Variants in LRBA observed in about 807,000 individuals in gnomAD.
LRBA encodes the protein LPS responsive beige-like anchor protein.
Under a neutral mutation model 330.0 loss-of-function variants are expected in LRBA, and 176 were observed. The observed-to-expected ratio is 0.53, with a 90% CI of 0.47 to 0.60. LRBA has a LOEUF of 0.60. Ranked by LOEUF, LRBA falls within the 20% of genes least tolerant of loss-of-function variation. The pLI, the probability that LRBA is intolerant of heterozygous loss-of-function variation, is 0.00. For synonymous variants in LRBA, 1,230 were observed against 1,193.0 expected, an observed-to-expected ratio of 1.03 and a Z score of -0.64; for missense variants, 3,259 against 3,444.8, an observed-to-expected ratio of 0.95 and a Z score of 1.35.
intron 47 of LRBA, among the ~76,000 whole-genome samples, chr4:150,408,764 A>G (rs960358773): frequency 6.6e-6 from 1 of 152,164 alleles, no homozygotes; most frequent in East Asian, 1.9e-4. Flanking sequence ...ATCAATTTAT[A>G]TAATATATCA....
At chr4:150,759,983 G>A (rs932160640) in intron 35 of LRBA, among the ~76,000 whole-genome samples, 5 of 151,942 alleles carry the variant, frequency 3.3e-5, no homozygotes, top group East Asian at 1.9e-4. Context: ...TAAAGTCTAC[G>A]ATGTTCAAAA....
At chr4:150,446,522 G>A (rs1321538816) in intron 44 of LRBA, among the ~76,000 whole-genome samples, 1 of 152,224 alleles carries the variant, frequency 6.6e-6, no homozygotes, top group Non-Finnish European at 1.5e-5. Context: ...CTGACAGGCA[G>A]TTACATTGCA....
intron 47 of LRBA, among the ~76,000 whole-genome samples, chr4:150,392,667 C>A (rs1185890573): frequency 1.3e-5 from 2 of 152,032 alleles, no homozygotes; most frequent in East Asian, 3.9e-4. Context: ...GATTTTTGCA[C>A]ATCAATTTTA....
rs192169381 is a variant in LRBA, at chr4:150,350,860, C to T, written c.7195-701G>A. Reference sequence around the variant, plus strand: ...AAATGTGAAAATGTTAAAAATTTACCATCCACTTGAAATATTTATTATTTT... The same window carrying T: ...AAATGTGAAAATGTTAAAAATTTACTATCCACTTGAAATATTTATTATTTT... On this transcript the variant is annotated intron_variant, in intron 47 of 56. Coordinates refer to ENST00000651943, the MANE Select transcript of LRBA (RefSeq NM_001364905.1). Among the ~76,000 whole-genome samples the T allele has an allele frequency of 5.3e-5, 8 of 152,192 alleles. No individual in the cohort carries two copies. In the East Asian group the frequency reaches 1.5e-3, roughly 29 times the overall value.
Position 150,852,666 on chromosome 4 carries a change from G to C in LRBA, c.3044C>G (p.Ser1015Cys), listed in dbSNP as rs1207359058. Reference sequence around the variant, plus strand: ...TTGCTCAGCTTTCATTTCTTCATAAGATGTATTAGTAGTTTGCAGTTCAAT... The same window carrying C: ...TTGCTCAGCTTTCATTTCTTCATAACATGTATTAGTAGTTTGCAGTTCAAT... ...SNIELQTTNT[S>C]YEEMKAEQEN... Residue 1015 changes from serine (S) to cysteine (C), a missense_variant, in exon 23 of 57, where the codon TCT becomes TGT. By Grantham distance (112) the Ser-to-Cys change is moderately radical. Transcript: ENST00000651943. 6 of 1,613,928 alleles carry C rather than the reference G, an allele frequency of 3.7e-6. No individual in the cohort carries two copies. The South Asian group carries it at 5.5e-5, about 15-fold the overall frequency.
intron 35 of LRBA, among the ~76,000 whole-genome samples, chr4:150,746,507 CTT>C (rs923454215): frequency 9.5e-5 from 13 of 136,482 alleles, no homozygotes; most frequent in Admixed American, 2.2e-4. Context: ...GTTTCTCTTA[CTT>C]TTTTTTTTTT....
At chr4:150,272,012 A>G (rs1408831741) in intron 56 of LRBA, among the ~76,000 whole-genome samples, 1 of 152,172 alleles carries the variant, frequency 6.6e-6, no homozygotes, top group Admixed American at 6.5e-5. Flanking sequence ...GAGCTCTGCT[A>G]ATGGTCAAAC....
intron 48 of LRBA, among the ~76,000 whole-genome samples, chr4:150,337,629 G>A (rs1391908699): frequency 6.6e-6 from 1 of 152,140 alleles, no homozygotes; most frequent in African/African-American, 2.4e-5. Flanking sequence ...TGTCAAATAT[G>A]CCATCTGTGT....
At chr4:150,400,736 C>T (rs1224245326) in intron 47 of LRBA, among the ~76,000 whole-genome samples, 1 of 152,062 alleles carries the variant, frequency 6.6e-6, no homozygotes, top group African/African-American at 2.4e-5. Context: ...GCCTATAGTT[C>T]TAGCTACTCG....
chr4:150,598,430 T>G (rs948753020), intron 38 of LRBA, among the ~76,000 whole-genome samples: 1 of 152,214 alleles, frequency 6.6e-6, no homozygotes, highest in Non-Finnish European at 1.5e-5. Context: ...AAATGTTTTG[T>G]TAAGCTCTGA....
chr4:150,487,944 C>T, intron 41 of LRBA, 110 bp from the exon 42 acceptor site: 1 of 496,050 alleles, frequency 2.0e-6, no homozygotes, highest in Non-Finnish European at 3.7e-6. Flanking sequence ...CTATTAAATA[C>T]AATTCTTACT....
intron 47 of LRBA, among the ~76,000 whole-genome samples, chr4:150,387,633 A>G (rs1743282975): frequency 6.6e-6 from 1 of 152,192 alleles, no homozygotes; most frequent in African/African-American, 2.4e-5. Context: ...AGAAATGCCA[A>G]TTAAGTTGTG....
At position 150,310,210 on chromosome 4, in the gene LRBA, T is replaced by A. The variant is rs753758571; in HGVS notation, c.7849+19A>T. ...CTTATAGTAAACTTTAGTTCACTGA[T>A]AAAGAAAATGAAAATTACCTGTGTC... On this transcript the variant is annotated intron_variant, in intron 52 of 56. Transcript: ENST00000651943. The A allele has an allele frequency of 1.3e-6, 2 of 1,575,458 alleles. No homozygotes were observed. The highest frequency in any genetic ancestry group is 1.7e-6 in the Non-Finnish European group (2 of 1,146,466).
At chr4:150,704,433 G>A (rs1011933692) in intron 36 of LRBA, among the ~76,000 whole-genome samples, 2 of 151,220 alleles carry the variant, frequency 1.3e-5, no homozygotes, top group African/African-American at 4.9e-5. Context: ...GTATTCTCCA[G>A]CTCAAAAATT....
intron 30 of LRBA, among the ~76,000 whole-genome samples, chr4:150,825,616 G>A (rs1461704712): frequency 6.6e-6 from 1 of 152,026 alleles, no homozygotes; most frequent in Admixed American, 6.6e-5. Flanking sequence ...TGATCCACCC[G>A]CCTCAGCCTC....
At chr4:150,835,925 T>C (rs1388638243) in intron 28 of LRBA, among the ~76,000 whole-genome samples, 1 of 152,212 alleles carries the variant, frequency 6.6e-6, no homozygotes, top group East Asian at 1.9e-4. Flanking sequence ...CAGTATGATA[T>C]TGGCTGTGAG....
chr4:150,974,881 A>T (rs1420595066), intron 2 of LRBA, among the ~76,000 whole-genome samples: 1 of 152,346 alleles, frequency 6.6e-6, no homozygotes, highest in South Asian at 2.1e-4. Flanking sequence ...ACCCAAAAAA[A>T]AAGCAAGGCA....
intron 36 of LRBA, among the ~76,000 whole-genome samples, chr4:150,720,230 A>G (rs1560726284): frequency 6.6e-6 from 1 of 152,282 alleles, no homozygotes; most frequent in Admixed American, 6.5e-5. Context: ...AACATATAGC[A>G]CCAATCAATC....
intron 43 of LRBA, among the ~76,000 whole-genome samples, chr4:150,468,043 T>C (rs1267664622): frequency 9.9e-5 from 15 of 152,206 alleles, no homozygotes; most frequent in Admixed American, 5.9e-4. Flanking sequence ...TCAAACCATA[T>C]TGAAATCCAG....
Sources: allele counts gnomAD v4.1 joint callset (sites outside exome capture counted in the v4.1 genomes callset), GRCh38; gene constraint gnomAD v4.1.1; transcripts MANE v1.5; gene names NCBI Gene and HGNC (gene_info 2026-07-23, HGNC 2026-07-21).